Variants in PTK2 observed in about 807,000 individuals in gnomAD.
The protein encoded by PTK2 is focal adhesion kinase 1.
In PTK2, 45 loss-of-function variants were observed where a neutral mutation model predicts 150.1. The ratio of observed to expected loss-of-function variants is 0.30; its 90% confidence interval spans 0.24 to 0.38. The LOEUF (loss-of-function observed/expected upper bound fraction) is 0.38, where lower values mean the gene tolerates loss of function less well. Ranked by LOEUF, PTK2 falls within the 10% of genes least tolerant of loss-of-function variation. PTK2 has a pLI of 1.00. For missense variants in PTK2, 919 were observed against 1,307.3 expected (o/e 0.70, Z 4.58); for synonymous variants, 432 against 449.2 (o/e 0.96, Z 0.48).
intron 2 of PTK2, among the ~76,000 whole-genome samples, chr8:140,897,969 T>C: frequency 6.6e-6 from 1 of 152,202 alleles, no homozygotes; most frequent in Admixed American, 6.5e-5. Context: ...GCGCACTACA[T>C]AATATCTTTT....
Position 140,752,223 on chromosome 8 carries a change from G to T in PTK2, c.1417+9C>A. On this transcript the variant is annotated intron_variant, in intron 17 of 31. Transcript: ENST00000522684. Reference sequence around the variant, plus strand: ...AAATGGAGTTCCACAGAAATTTCTAGACACTTACAGGCTTCTTGAAGAAAT... The same window carrying T: ...AAATGGAGTTCCACAGAAATTTCTATACACTTACAGGCTTCTTGAAGAAAT... 2 of 1,606,472 alleles carry T rather than the reference G, an allele frequency of 1.2e-6. No homozygotes were observed. The highest frequency in any genetic ancestry group is 8.5e-7 in the Non-Finnish European group (1 of 1,174,198).
intron 22 of PTK2, among the ~76,000 whole-genome samples, chr8:140,720,785 G>C (rs1286329363): frequency 2.6e-5 from 4 of 152,100 alleles, no homozygotes; most frequent in South Asian, 2.1e-4. Context: ...GCGGAGTCTT[G>C]CTCTGTTGCA....
chr8:140,678,191 C>T (rs894044282), intron 27 of PTK2, among the ~76,000 whole-genome samples: 4 of 152,082 alleles, frequency 2.6e-5, no homozygotes, highest in South Asian at 2.1e-4. Flanking sequence ...GGATTACAAA[C>T]GCCCGCCACG....
chr8:140,827,077 T>C (rs1181722755), intron 8 of PTK2, among the ~76,000 whole-genome samples: 1 of 152,134 alleles, frequency 6.6e-6, no homozygotes, highest in Non-Finnish European at 1.5e-5. Context: ...CTGTGCTCCA[T>C]GTTGCTGTCA....
At chr8:140,865,665 TCAGA>T (rs775286729) in intron 4 of PTK2, among the ~76,000 whole-genome samples, 11 of 152,254 alleles carry the variant, frequency 7.2e-5, no homozygotes, top group South Asian at 2.1e-4. Context: ...ACTTTTACTC[TCAGA>T]CAGAGTTCAA....
chr8:140,744,866 T>C, intron 18 of PTK2, 99 bp from the exon 22 acceptor site: 1 of 559,342 alleles, frequency 1.8e-6, no homozygotes, highest in Non-Finnish European at 3.1e-6. Context: ...ATAATGCTGT[T>C]TTCAATGCAT....
intron 3 of PTK2, among the ~76,000 whole-genome samples, chr8:140,886,784 T>C (rs1282497331): frequency 6.6e-6 from 1 of 152,246 alleles, no homozygotes; most frequent in Non-Finnish European, 1.5e-5. Context: ...CCTTTGAAGA[T>C]ACTGTTCCAA....
chr8:140,845,557 C>G (rs7815191), intron 7 of PTK2, among the ~76,000 whole-genome samples: 65,436 of 152,032 alleles, frequency 0.43, 14,865 homozygotes, highest in Admixed American at 0.56. Flanking sequence ...CCTGTAAACA[C>G]CCAGCTGATA....
intron 19 of PTK2, among the ~76,000 whole-genome samples, chr8:140,743,892 C>T (rs2100057186): frequency 1.3e-5 from 2 of 151,776 alleles, no homozygotes; most frequent in African/African-American, 4.8e-5. Flanking sequence ...ATTCTCCTGC[C>T]TCAGCCTCCC....
intron 8 of PTK2, chr8:140,821,876 T>A (rs1264873353): frequency 6.6e-6 from 1 of 152,206 alleles, no homozygotes; most frequent in Non-Finnish European, 1.5e-5. Flanking sequence ...AAGGCTTGAC[T>A]ATAAAATGTA....
chr8:140,677,435 T>A (rs561822798), intron 27 of PTK2, among the ~76,000 whole-genome samples: 3 of 152,216 alleles, frequency 2.0e-5, no homozygotes, highest in Non-Finnish European at 2.9e-5. Context: ...CAAGTTGTCA[T>A]ACCTGAAACT....
At chr8:140,914,928 G>A (rs1053703039) in intron 2 of PTK2, among the ~76,000 whole-genome samples, 1 of 151,410 alleles carries the variant, frequency 6.6e-6, no homozygotes, top group Admixed American at 6.6e-5. Context: ...AGCTACTCGG[G>A]AGGCTGAGGC....
Position 140,694,029 on chromosome 8 carries a change from T to C in PTK2, c.2499+6862A>G, listed in dbSNP as rs369397262. ...TGAAAACAGAAGCTAAGCATCTTTT[T>C]TTCTTTTCTTTTCTTTTTTTTTTTT... On this transcript the variant is annotated intron_variant, in intron 26 of 31. Transcript: ENST00000522684. 1.2e-4 allele frequency among the ~76,000 whole-genome samples: 18 copies of C among 150,274 alleles called. No individual in the cohort carries two copies. The South Asian group carries it at 3.1e-3, about 26-fold the overall frequency.
At chr8:140,870,846 T>A (rs2100142076) in intron 4 of PTK2, among the ~76,000 whole-genome samples, 1 of 152,238 alleles carries the variant, frequency 6.6e-6, no homozygotes, top group South Asian at 2.1e-4. Context: ...TGGAGATTTT[T>A]AACAACTTTT....
intron 28 of PTK2, among the ~76,000 whole-genome samples, chr8:140,675,066 CAAA>C (rs57165594): frequency 2.2e-4 from 30 of 136,616 alleles, no homozygotes; most frequent in Admixed American, 4.4e-4. Context: ...ACTCTGTATC[CAAA>C]AAAAAAAAAA....
intron 1 of PTK2, among the ~76,000 whole-genome samples, chr8:140,937,976 TA>T (rs2100174279): frequency 6.6e-6 from 1 of 152,206 alleles, no homozygotes; most frequent in African/African-American, 2.4e-5. Flanking sequence ...TTGAAAAATA[TA>T]CTCAGTACAA....
chr8:140,791,912 C>T (rs1178328815), intron 13 of PTK2, among the ~76,000 whole-genome samples: 1 of 152,188 alleles, frequency 6.6e-6, no homozygotes, highest in Non-Finnish European at 1.5e-5. Context: ...GAAACAATCA[C>T]ACGGGCTCCT....
At chr8:140,806,329 A>G (rs2100098174) in intron 10 of PTK2, among the ~76,000 whole-genome samples, 1 of 152,192 alleles carries the variant, frequency 6.6e-6, no homozygotes, top group South Asian at 2.1e-4. Flanking sequence ...AAGACTTGCT[A>G]TAGTTATTTT....
chr8:140,686,735 AT>A (rs760540866), intron 26 of PTK2, 41 bp from the exon 30 acceptor site: 53 of 1,552,372 alleles, frequency 3.4e-5, no homozygotes, highest in Non-Finnish European at 4.4e-5. Flanking sequence ...TTCATTTTTG[AT>A]TTGAAAATTT....
Sources: allele counts gnomAD v4.1 joint callset (sites outside exome capture counted in the v4.1 genomes callset), GRCh38; gene constraint gnomAD v4.1.1; transcripts MANE v1.5; gene names NCBI Gene and HGNC (gene_info 2026-07-23, HGNC 2026-07-21).